Variants in MORC2 observed in about 807,000 individuals in gnomAD.
The protein encoded by MORC2 is ATPase MORC2.
In MORC2, 30 loss-of-function variants were observed where a neutral mutation model predicts 136.0. That is an observed-to-expected ratio of 0.22 (90% CI 0.17 to 0.30). MORC2 has a LOEUF of 0.30. Ranked by LOEUF, MORC2 falls within the 10% of genes least tolerant of loss-of-function variation. The probability of loss-of-function intolerance (pLI) is 1.00; values close to 1 mark genes in which losing one functional copy is unlikely to be tolerated. For missense variants in MORC2, 922 were observed against 1,333.1 expected (o/e 0.69, Z 4.80); for synonymous variants, 439 against 487.0 (o/e 0.90, Z 1.30).
chr22:30,941,415 A>G lies in MORC2; in HGVS notation c.824+18T>C. ...TCGACCCATGGGAGACAGCAGGCCA[A>G]GGGGCACTGGCCCCTACCTGGGCTT... On this transcript the variant is annotated intron_variant, in intron 9 of 25. Transcript: ENST00000397641. The surrounding 1 kb of genome is among the most constrained non-coding windows in gnomAD (Gnocchi z 4.6). 1 of 1,612,848 alleles carries G rather than the reference A, an allele frequency of 6.2e-7. No individual in the cohort carries two copies. Among genetic ancestry groups the G allele is most frequent in the Non-Finnish European group, 8.5e-7 (1 of 1,179,358 alleles).
chr22:30,967,520 T>C (rs1275330307), intron 1 of MORC2: 1 of 1,185,590 alleles, frequency 8.4e-7, no homozygotes, highest in Non-Finnish European at 1.1e-6. Flanking sequence ...AATAGAGCAG[T>C]ATTTGTTGGA....
rs771911706 is a variant in MORC2 at position 30,933,042 on chromosome 22, G to A, written c.2381-12C>T. 5.0e-6 allele frequency: 8 copies of A among 1,613,400 alleles called. No individual in the cohort carries two copies. The East Asian group carries it at 1.6e-4, about 31-fold the overall frequency. ...GTGCAGCCCTTTATCTGACAATGTAGACAGAGGTGCGAGTCAGAAAACTAG... is the reference window on the plus strand; with the variant it reads ...GTGCAGCCCTTTATCTGACAATGTAAACAGAGGTGCGAGTCAGAAAACTAG... On this transcript the variant is annotated splice_polypyrimidine_tract_variant and intron_variant, in intron 21 of 25. Transcript: ENST00000397641.
At chr22:30,948,482 A>C (rs1341364581) in intron 5 of MORC2, among the ~76,000 whole-genome samples, 3 of 152,236 alleles carry the variant, frequency 2.0e-5, no homozygotes, top group Non-Finnish European at 4.4e-5. Flanking sequence ...AAAGGAGGAG[A>C]AATAAAGGCA....
chr22:30,944,386 C>A (rs1309784556), intron 6 of MORC2, among the ~76,000 whole-genome samples: 1 of 152,090 alleles, frequency 6.6e-6, no homozygotes. Context: ...CCCTCAGGAA[C>A]ACTTCTCCTT....
chr22:30,941,673 C>A lies in MORC2; in HGVS notation c.699-115G>T. 7.0e-7 allele frequency: 1 copy of A among 1,418,474 alleles called. No individual in the cohort carries two copies. Among genetic ancestry groups the A allele is most frequent in the South Asian group, 1.3e-5 (1 of 74,636 alleles). The allele number at this position is 1,418,474 out of a possible 1,614,324, so 87.9% of individuals were successfully genotyped here. A position where few individuals can be genotyped will look rare whatever the true frequency, so the allele number is the denominator to read the frequency against. ...TTTCCATGTTAGGTACTGACTTCTG[C>A]TGCTGCCCTGAACTGGTGCTCCCTT... On this transcript the variant is annotated intron_variant, in intron 8 of 25. Transcript: ENST00000397641. The surrounding 1 kb of genome is among the most constrained non-coding windows in gnomAD (Gnocchi z 4.6).
At chr22:30,938,930 C>G (rs2040699173) in intron 12 of MORC2, among the ~76,000 whole-genome samples, 1 of 152,104 alleles carries the variant, frequency 6.6e-6, no homozygotes, top group African/African-American at 2.4e-5. Flanking sequence ...AATAAGACAC[C>G]ATCATGTGAT....
rs369184979 is a variant in MORC2 at position 30,965,558 on chromosome 22, C to T, written c.68+2264G>A. Among the ~76,000 whole-genome samples the T allele has an allele frequency of 2.6e-5, 4 of 152,182 alleles. No homozygotes were observed. The East Asian group carries it at 5.8e-4, about 22-fold the overall frequency. On this transcript the variant is annotated intron_variant, in intron 1 of 25. Transcript: ENST00000397641. ...CAAAAAGGAGAACAACTTCTAAGGT[C>T]GAATTTGTGATCCAGGTAAGAAATT... is the stretch of plus-strand genomic sequence containing the variant.
At position 30,926,482 on chromosome 22, in the gene MORC2, C is replaced by G. The variant is rs527911332; in HGVS notation, c.*321G>C. 2 of 155,710 alleles carry G rather than the reference C, an allele frequency of 1.3e-5. No individual in the cohort carries two copies. The highest frequency in any genetic ancestry group is 3.3e-4 in the East Asian group (2 of 5,978). The allele number at this position is 155,710 out of a possible 1,614,324, so 9.6% of individuals were successfully genotyped here. ...CGCCGTTATCTTGAGGAGCCAGGAG[C>G]TGAAATGGCTCCGGCTTAGCAACCC... On this transcript the variant is annotated 3_prime_UTR_variant, in exon 26 of 26. Transcript: ENST00000397641.
intron 3 of MORC2, among the ~76,000 whole-genome samples, chr22:30,951,284 A>G (rs1395200289): frequency 2.0e-5 from 3 of 152,232 alleles, no homozygotes. Context: ...TCTGCAGCAG[A>G]AAGTGGTTAA....
At chr22:30,935,981 C>G (rs1278299065) in intron 17 of MORC2, among the ~76,000 whole-genome samples, 1 of 152,122 alleles carries the variant, frequency 6.6e-6, no homozygotes, top group East Asian at 1.9e-4. Context: ...TAACACATCT[C>G]TGGAGGGTAC....
At chr22:30,939,592 A>G in intron 12 of MORC2, 29 bp downstream of exon 12, 1 of 1,609,136 alleles carries the variant, frequency 6.2e-7, no homozygotes, top group South Asian at 1.1e-5. Flanking sequence ...CGTCAGTTTA[A>G]AAGATCCAAG....
In MORC2 at chr22:30,941,962, A is replaced by G. The variant is rs369521098; in HGVS notation, c.627T>C (p.Asn209=). The G allele has an allele frequency of 1.9e-6, 3 of 1,613,908 alleles. No individual in the cohort carries two copies. Among genetic ancestry groups the G allele is most frequent in the Non-Finnish European group, 2.5e-6 (3 of 1,179,886 alleles). ...VIIFNLKLMD[N]GEPELDIISN... is the part of the protein sequence containing the mutation. The stretch of plus-strand genomic sequence containing the variant: ...AGATTATGTCTAGTTCTGGCTCTCC[A>G]TTATCCATGAGTTTGAGATTGAAGA... Residue 209 remains asparagine, a synonymous_variant, in exon 8 of 26, where the codon AAT becomes AAC. Coordinates refer to ENST00000397641, the MANE Select transcript of MORC2 (RefSeq NM_001303256.3). This position sits in a 1 kb window ranked among gnomAD's most constrained non-coding sequence, Gnocchi z 4.6.
At position 30,928,178 on chromosome 22, in the gene MORC2, C is replaced by T; in HGVS notation, c.2871G>A (p.Gly957=). Residue 957 remains glycine (G), a synonymous_variant, in exon 25 of 26, where the codon GGG becomes GGA. Transcript: ENST00000397641. ...GGTAGGAATTGCACAGGTTTTGGAG[C>T]CCTACTTCATATTGCTTGAAGTACT... ...LKEYFKQYEV[G]LQNLCNSYQS... is the part of the protein sequence containing the mutation. The T allele has an allele frequency of 3.7e-6, 6 of 1,614,100 alleles. No homozygotes were observed. Among genetic ancestry groups the T allele is most frequent in the African/African-American group, 2.7e-5 (2 of 75,034 alleles).
At chr22:30,939,868 C>A in intron 11 of MORC2, 91 bp downstream of exon 11, 2 of 1,439,224 alleles carry the variant, frequency 1.4e-6, no homozygotes, top group South Asian at 2.4e-5. Context: ...GGGACAAACT[C>A]AAAAGCTGTG....
chr22:30,935,396 G>A lies in MORC2; in HGVS notation c.1738-74C>T, dbSNP rs796708892. ...TGAGCAAACTTTTTGGATAGTGTCTGGAACCAGGGACAAAAAAAATAGAAA... is the reference window on the plus strand; with the variant it reads ...TGAGCAAACTTTTTGGATAGTGTCTAGAACCAGGGACAAAAAAAATAGAAA... On this transcript the variant is annotated intron_variant, in intron 17 of 25. Transcript: ENST00000397641. 1.2e-4 allele frequency: 168 copies of A among 1,429,526 alleles called. 1 individual carries two copies. Among genetic ancestry groups the A allele is most frequent in the East Asian group, 6.6e-4 (28 of 42,372 alleles). 88.6% of individuals were successfully genotyped at this position (1,429,526 alleles called of 1,614,324 possible). A position where few individuals can be genotyped will look rare whatever the true frequency, so the allele number is the denominator to read the frequency against.
rs111251941 is a variant in MORC2 at position 30,933,525 on chromosome 22, G to A, written c.2326-5C>T. Reference sequence around the variant, plus strand: ...TTCCCCAGCACTGTCTGAGAGCTGCGTGGAGAGCAGTCTATTAGAGGCATC... The same window carrying A: ...TTCCCCAGCACTGTCTGAGAGCTGCATGGAGAGCAGTCTATTAGAGGCATC... On this transcript the variant is annotated splice_polypyrimidine_tract_variant and splice_region_variant and intron_variant, in intron 20 of 25. Transcript: ENST00000397641. The A allele has an allele frequency of 1.5e-5, 24 of 1,613,394 alleles. No homozygotes were observed. The highest frequency in any genetic ancestry group is 2.0e-5 in the Non-Finnish European group (24 of 1,179,914).
intron 7 of MORC2, 52 bp downstream of exon 7, chr22:30,942,060 G>A (rs904739719): frequency 2.1e-5 from 34 of 1,609,610 alleles, no homozygotes; most frequent in Non-Finnish European, 2.6e-5. Context: ...CACACTACTT[G>A]TGATTCTGGA....
Position 30,942,204 on chromosome 22 carries a change from A to T in MORC2, c.494T>A (p.Phe165Tyr), listed in dbSNP as rs1382883492. 6.2e-7 allele frequency: 1 copy of T among 1,614,116 alleles called. No individual in the cohort carries two copies. Among genetic ancestry groups the T allele is most frequent in the Admixed American group, 1.7e-5 (1 of 60,026 alleles). Reference sequence around the variant, plus strand: ...ATAGATGAGTTCTGTCTCAATGGCAAATTTCTCTACATTGTCTGTGACAGG... The same window carrying T: ...ATAGATGAGTTCTGTCTCAATGGCATATTTCTCTACATTGTCTGTGACAGG... ...REPVTDNVEKFAIETELIYKY... is the reference protein window; with the variant it reads ...REPVTDNVEKYAIETELIYKY... Residue 165 changes from phenylalanine (F) to tyrosine (Y), a missense_variant, in exon 7 of 26, where the codon TTT becomes TAT. By Grantham distance (22) the Phe-to-Tyr change is conservative. Transcript: ENST00000397641.
At chr22:30,958,369 C>CTCTA (rs2040996096) in intron 2 of MORC2, among the ~76,000 whole-genome samples, 2 of 152,174 alleles carry the variant, frequency 1.3e-5, no homozygotes, top group Non-Finnish European at 2.9e-5. Flanking sequence ...AATTATCTTG[C>CTCTA]TCTAATACAC....
Sources: gnomAD v4.1 joint callset for allele counts (sites outside exome capture counted in the v4.1 genomes callset) on GRCh38, gnomAD v4.1.1 for gene constraint, Gnocchi (gnomAD v3.1) non-coding constraint, MANE v1.5 for transcripts, NCBI Gene and HGNC (gene_info 2026-07-23, HGNC 2026-07-21) for gene names.